VIPAS39: variants seen among roughly 807,000 people sequenced by gnomAD.
The protein encoded by VIPAS39 is spermatogenesis-defective protein 39 homolog.
A neutral mutation model predicts 84.7 loss-of-function variants in VIPAS39; 63 were observed. The observed-to-expected ratio is 0.74, with a 90% CI of 0.61 to 0.92. The LOEUF (loss-of-function observed/expected upper bound fraction) is 0.92, where lower values mean the gene tolerates loss of function less well. VIPAS39 is among the 40% of genes least tolerant of loss of function. VIPAS39 has a pLI of 0.00. For missense variants in VIPAS39, 499 were observed against 604.5 expected, an observed-to-expected ratio of 0.83 and a Z score of 1.83; for synonymous variants, 192 against 216.5, an observed-to-expected ratio of 0.89 and a Z score of 0.99.
intron 11 of VIPAS39, among the ~76,000 whole-genome samples, chr14:77,439,606 G>A (rs565058244): frequency 3.3e-5 from 5 of 152,212 alleles, no homozygotes; most frequent in Middle Eastern, 3.4e-3. Context: ...GGCAAACAAA[G>A]TGAGACCCCC....
At chr14:77,438,356 G>A (rs931779039) in intron 11 of VIPAS39, among the ~76,000 whole-genome samples, 1 of 151,614 alleles carries the variant, frequency 6.6e-6, no homozygotes, top group Non-Finnish European at 1.5e-5. Flanking sequence ...AGCCTCCCAA[G>A]TAGCTGGGAT....
intron 7 of VIPAS39, among the ~76,000 whole-genome samples, chr14:77,444,585 C>G (rs890908502): frequency 1.3e-5 from 2 of 152,120 alleles, no homozygotes; most frequent in Non-Finnish European, 2.9e-5. Flanking sequence ...ATCACTTGTT[C>G]TTTTTGAGAC....
chr14:77,448,671 G>A (rs2139863028), intron 6 of VIPAS39, 121 bp from the exon 7 acceptor site: 1 of 1,077,570 alleles, frequency 9.3e-7, no homozygotes, highest in East Asian at 2.5e-5. Context: ...GGGAGGGAAT[G>A]GATGTGAAAA....
chr14:77,429,069 C>T lies in VIPAS39; in HGVS notation c.1293G>A (p.Val431=), dbSNP rs201478103. 1.3e-5 allele frequency: 21 copies of T among 1,613,908 alleles called. 1 individual carries two copies. Among genetic ancestry groups the T allele is most frequent in the Admixed American group, 1.2e-4 (7 of 60,000 alleles). The change falls in exon 18 of 20, where the codon GTG becomes GTA. Residue 431 remains valine (V), a synonymous_variant. Transcript: ENST00000557658. ...AGTTCAACTTCGTGTCCACATCTTC[C>T]ACCAGATTGACATACTCCTGTAATA... is the stretch of plus-strand genomic sequence containing the variant. The part of the protein sequence containing the change: ...VQILQEYVNL[V]EDVDTKLNLA...
intron 7 of VIPAS39, among the ~76,000 whole-genome samples, chr14:77,446,937 A>C (rs372079441): frequency 1.3e-4 from 19 of 151,790 alleles, no homozygotes; most frequent in East Asian, 9.7e-4. Context: ...TCAGCCTCTC[A>C]AGCAACTGTG....
intron 3 of VIPAS39, 145 bp downstream of exon 3, chr14:77,453,154 G>T: frequency 1.1e-6 from 1 of 886,032 alleles, no homozygotes; most frequent in Non-Finnish European, 1.9e-6. Context: ...TTCTCCTGGA[G>T]TTAAGTTTCC....
At chr14:77,446,606 T>C (rs2078794363) in intron 7 of VIPAS39, among the ~76,000 whole-genome samples, 1 of 152,134 alleles carries the variant, frequency 6.6e-6, no homozygotes, top group Non-Finnish European at 1.5e-5. Context: ...AAAATCGATA[T>C]GGAAGTATAA....
chr14:77,457,373 AAG>A, intron 1 of VIPAS39, 120 bp downstream of exon 1: 1 of 1,535,624 alleles, frequency 6.5e-7, no homozygotes, highest in Non-Finnish European at 8.7e-7. Flanking sequence ...TGACTGAAAG[AAG>A]AGAATCAGGC....
intron 16 of VIPAS39, among the ~76,000 whole-genome samples, chr14:77,430,610 G>A (rs2078506392): frequency 1.3e-5 from 2 of 151,806 alleles, no homozygotes; most frequent in South Asian, 2.1e-4. Context: ...CCAGCTACTC[G>A]GGAGGTTGAG....
Position 77,435,927 on chromosome 14 carries a change from A to G in VIPAS39, c.837-8T>C. On this transcript the variant is annotated splice_region_variant and splice_polypyrimidine_tract_variant and intron_variant, in intron 12 of 19. Coordinates refer to ENST00000557658, the MANE Select transcript of VIPAS39 (RefSeq NM_001193315.2). ...TCTGCTGAAAATGGCAAACTGGTAG[A>G]GTGCCAGAAGGTTAGTACCTTTCTC... The G allele has an allele frequency of 6.2e-7, 1 of 1,613,952 alleles. No homozygotes were observed. The highest frequency in any genetic ancestry group is 8.5e-7 in the Non-Finnish European group (1 of 1,179,830).
chr14:77,428,952 C>T, intron 18 of VIPAS39, 54 bp downstream of exon 18: 8 of 1,487,322 alleles, frequency 5.4e-6, no homozygotes, highest in Non-Finnish European at 7.5e-6. Context: ...ATAATCCCCA[C>T]CCTGCTTCGC....
At chr14:77,446,068 AT>A (rs2139844413) in intron 7 of VIPAS39, among the ~76,000 whole-genome samples, 1 of 151,972 alleles carries the variant, frequency 6.6e-6, no homozygotes, top group African/African-American at 2.4e-5. Context: ...TAAAAAAAAA[AT>A]AAAAGTTTTA....
At position 77,444,311 on chromosome 14, in the gene VIPAS39, G is replaced by GT. The variant is rs1243828502; in HGVS notation, c.534dup (p.Gln179ThrfsTer15). The GT allele has an allele frequency of 6.2e-7, 1 of 1,613,648 alleles. No homozygotes were observed. The highest frequency in any genetic ancestry group is 1.3e-5 in the African/African-American group (1 of 74,930). On this transcript the variant is annotated frameshift_variant, in exon 8 of 20. Coordinates refer to ENST00000557658, the MANE Select transcript of VIPAS39 (RefSeq NM_001193315.2). LOFTEE classifies it high-confidence loss of function. ...TCTTCTAGGAGTTGTAGTTTGTCCTGTAAGGAGCGGAATCTCTCTAGTGAG... is the reference window on the plus strand; with the variant it reads ...TCTTCTAGGAGTTGTAGTTTGTCCTGTTAAGGAGCGGAATCTCTCTAGTGAG...
At chr14:77,443,327 C>G (rs909601530) in intron 8 of VIPAS39, among the ~76,000 whole-genome samples, 175 bp from the exon 9 acceptor site, 2 of 152,190 alleles carry the variant, frequency 1.3e-5, no homozygotes, top group African/African-American at 4.8e-5. Flanking sequence ...TCTTGAGAGT[C>G]CACACACCCG....
At chr14:77,445,083 C>T (rs968160017) in intron 7 of VIPAS39, among the ~76,000 whole-genome samples, 1 of 151,612 alleles carries the variant, frequency 6.6e-6, no homozygotes, top group Admixed American at 6.6e-5. Flanking sequence ...CTCAGCCTCC[C>T]GAGTAGCTGG....
intron 11 of VIPAS39, among the ~76,000 whole-genome samples, chr14:77,439,109 G>T (rs1039671059): frequency 2.6e-5 from 4 of 152,112 alleles, no homozygotes; most frequent in Admixed American, 2.6e-4. Flanking sequence ...TTCATATTCT[G>T]TGGGCATACA....
chr14:77,454,675 C>CAAAAAA (rs529008875), intron 1 of VIPAS39, among the ~76,000 whole-genome samples: 2 of 124,872 alleles, frequency 1.6e-5, no homozygotes, highest in African/African-American at 6.1e-5. Flanking sequence ...ACTCCGTCTC[C>CAAAAAA]AAAAAAAAAA....
intron 1 of VIPAS39, among the ~76,000 whole-genome samples, chr14:77,454,554 A>G (rs980433998): frequency 3.3e-5 from 5 of 151,898 alleles, no homozygotes; most frequent in Non-Finnish European, 7.4e-5. Flanking sequence ...CATGCCTGTA[A>G]TCCCAGCTAC....
intron 4 of VIPAS39, among the ~76,000 whole-genome samples, chr14:77,450,023 A>G (rs1358514428): frequency 6.6e-6 from 1 of 152,140 alleles, no homozygotes; most frequent in Non-Finnish European, 1.5e-5. Flanking sequence ...GTACATTCAC[A>G]CTGTTGTACA....
Sources: gnomAD v4.1 joint callset for allele counts (sites outside exome capture counted in the v4.1 genomes callset) on GRCh38, gnomAD v4.1.1 for gene constraint, MANE v1.5 for transcripts, NCBI Gene and HGNC (gene_info 2026-07-23, HGNC 2026-07-21) for gene names.